PAH: variants seen among roughly 807,000 people sequenced by gnomAD.
PAH encodes phenylalanine-4-hydroxylase.
PAH carries 64 observed loss-of-function variants against 62.0 expected under a neutral mutation model. The observed-to-expected ratio is 1.03, with a 90% CI of 0.84 to 1.27. The LOEUF (loss-of-function observed/expected upper bound fraction) is 1.27, where lower values mean the gene tolerates loss of function less well. Ranked by LOEUF, PAH falls within the 50% of genes most tolerant of loss-of-function variation. The probability of loss-of-function intolerance (pLI) is 0.00; values close to 1 mark genes in which losing one functional copy is unlikely to be tolerated. For missense variants in PAH, 579 were observed against 542.8 expected (o/e 1.07, Z -0.66); for synonymous variants, 195 against 196.2 (o/e 0.99, Z 0.05).
At chr12:102,889,797 A>G (rs1165140434) in intron 3 of PAH, among the ~76,000 whole-genome samples, 3 of 152,134 alleles carry the variant, frequency 2.0e-5, no homozygotes, top group Admixed American at 6.5e-5. Context: ...CCTGGCTGCA[A>G]TCTCTCTCCA....
intron 2 of PAH, among the ~76,000 whole-genome samples, chr12:102,904,892 T>C (rs1195566385): frequency 6.6e-6 from 1 of 152,196 alleles, no homozygotes; most frequent in Non-Finnish European, 1.5e-5. Context: ...CTCTTATTGC[T>C]CATTGCCATT....
upstream of PAH, among the ~76,000 whole-genome samples, chr12:102,920,325 A>G (rs1293937493): frequency 2.0e-5 from 3 of 152,166 alleles, no homozygotes; most frequent in South Asian, 2.1e-4. Context: ...GAAATGGAGG[A>G]AAAAAAGGCA....
intron 3 of PAH, among the ~76,000 whole-genome samples, chr12:102,890,361 G>A (rs1877226325): frequency 1.3e-5 from 2 of 152,196 alleles, no homozygotes; most frequent in African/African-American, 4.8e-5. Context: ...CTCCCACTGA[G>A]TCCTATAGAA....
intron 1 of PAH, among the ~76,000 whole-genome samples, chr12:102,949,267 A>T (rs1879638546): frequency 1.3e-5 from 2 of 152,198 alleles, no homozygotes; most frequent in African/African-American, 4.8e-5. Flanking sequence ...CTGGCTACCA[A>T]GAGCCATAAT....
At chr12:102,922,919 A>G (rs559346017) in intron 1 of PAH, among the ~76,000 whole-genome samples, 22 of 152,382 alleles carry the variant, frequency 1.4e-4, no homozygotes, top group African/African-American at 4.1e-4. Flanking sequence ...AAAACCAGAT[A>G]TAAATTGGAC....
intron 10 of PAH, 72 bp downstream of exon 10, chr12:102,844,264 A>T (rs1287061767): frequency 1.9e-6 from 2 of 1,069,936 alleles, no homozygotes; most frequent in Non-Finnish European, 1.4e-6. Flanking sequence ...TTTCAACAAT[A>T]TTGAAAGCAC....
In PAH at chr12:102,855,540, G is replaced by A. The variant is rs116112373; in HGVS notation, c.510-208C>T. 9.3e-3 allele frequency among the ~76,000 whole-genome samples: 1,418 copies of A among 152,258 alleles called. 15 individuals are homozygous for A. The highest frequency in any genetic ancestry group is 0.041 in the South Asian group (199 of 4,826). On this transcript the variant is annotated intron_variant, in intron 5 of 12. Transcript: ENST00000553106. Reference sequence around the variant, plus strand: ...GATTTCCCACATGAAAGGGTGATTTGGTTAAGCAGTGATACAGGCTACAAT... The same window carrying A: ...GATTTCCCACATGAAAGGGTGATTTAGTTAAGCAGTGATACAGGCTACAAT...
chr12:102,917,139 C>G lies in PAH; in HGVS notation c.-9G>C, dbSNP rs573703749. The G allele has an allele frequency of 7.9e-5, 128 of 1,614,114 alleles. No individual in the cohort carries two copies. The East Asian group carries it at 2.9e-3, about 36-fold the overall frequency. On this transcript the variant is annotated 5_prime_UTR_variant, in exon 1 of 13. Coordinates refer to ENST00000553106, the MANE Select transcript of PAH (RefSeq NM_000277.3). ...AGGACCGCAGTGGACATGCTGGCTC[C>G]CCGGGAGTGAGGTCTCTGGCTTTTT... is the stretch of plus-strand genomic sequence containing the variant.
At chr12:102,906,982 G>T (rs1222796049) in intron 2 of PAH, among the ~76,000 whole-genome samples, 1 of 152,200 alleles carries the variant, frequency 6.6e-6, no homozygotes, top group Non-Finnish European at 1.5e-5. Flanking sequence ...AAAGTTTGTA[G>T]AATTAGAATG....
At chr12:102,930,176 T>A (rs1274451028) in intron 1 of PAH, among the ~76,000 whole-genome samples, 1 of 152,118 alleles carries the variant, frequency 6.6e-6, no homozygotes, top group Non-Finnish European at 1.5e-5. Flanking sequence ...GCTATCTGAG[T>A]CCAAGTTCAA....
chr12:102,946,270 A>G (rs553874317), intron 1 of PAH, among the ~76,000 whole-genome samples: 48 of 152,284 alleles, frequency 3.2e-4, no homozygotes, highest in African/African-American at 1.1e-3. Context: ...CTTGCTGGGG[A>G]TTCACTAGGT....
intron 5 of PAH, among the ~76,000 whole-genome samples, chr12:102,859,572 C>T (rs1875617741): frequency 6.6e-6 from 1 of 152,218 alleles, no homozygotes; most frequent in South Asian, 2.1e-4. Context: ...CAAAAATCCT[C>T]AATAAAATAC....
chr12:102,883,220 C>T (rs1876895846), intron 3 of PAH, among the ~76,000 whole-genome samples: 1 of 152,202 alleles, frequency 6.6e-6, no homozygotes, highest in African/African-American at 2.4e-5. Context: ...ATCAATGTGT[C>T]AACCTCATTT....
intron 1 of PAH, among the ~76,000 whole-genome samples, chr12:102,939,813 C>T (rs139598725): frequency 0.011 from 1,611 of 152,312 alleles, 17 homozygotes; most frequent in South Asian, 0.018. Flanking sequence ...AAGGTCTCTG[C>T]CCCTGCAGAC....
intron 5 of PAH, among the ~76,000 whole-genome samples, chr12:102,861,989 CTG>C (rs1292421165): frequency 8.0e-6 from 1 of 125,468 alleles, no homozygotes; most frequent in Non-Finnish European, 1.7e-5. Context: ...AAAAGAAAGA[CTG>C]TGGCAATTCC....
chr12:102,895,854 C>CAAAAAA (rs780516168), intron 2 of PAH, among the ~76,000 whole-genome samples: 2 of 105,000 alleles, frequency 1.9e-5, no homozygotes, highest in African/African-American at 6.8e-5. Flanking sequence ...GACTCTGTCT[C>CAAAAAA]AAAAAAAAAA....
chr12:102,897,555 A>G (rs1163438593), intron 2 of PAH, among the ~76,000 whole-genome samples: 4 of 151,340 alleles, frequency 2.6e-5, no homozygotes, highest in Non-Finnish European at 5.9e-5. Flanking sequence ...CAATTTTTAA[A>G]ATGCTCTCAA....
intron 7 of PAH, chr12:102,852,247 T>C (rs1199573609): frequency 1.5e-5 from 3 of 205,610 alleles, no homozygotes; most frequent in Non-Finnish European, 3.0e-5. Context: ...TTTAACACTG[T>C]ATGTGCTATG....
intron 1 of PAH, among the ~76,000 whole-genome samples, chr12:102,947,340 G>A (rs1162324119): frequency 6.6e-6 from 1 of 152,094 alleles, no homozygotes; most frequent in East Asian, 1.9e-4. Context: ...AACACAAAAG[G>A]AGGGAACGAG....
Sources: allele counts gnomAD v4.1 joint callset (sites outside exome capture counted in the v4.1 genomes callset), GRCh38; gene constraint gnomAD v4.1.1; transcripts MANE v1.5; gene names NCBI Gene and HGNC (gene_info 2026-07-23, HGNC 2026-07-21).